Variants in SLC8A3 observed in about 807,000 individuals in gnomAD.
SLC8A3 encodes sodium/calcium exchanger 3.
In SLC8A3, 37 loss-of-function variants were observed where a neutral mutation model predicts 65.4. The observed-to-expected ratio is 0.57, with a 90% CI of 0.44 to 0.74. SLC8A3 has a LOEUF of 0.74. Ranked by LOEUF, SLC8A3 falls within the 30% of genes least tolerant of loss-of-function variation. The pLI is 0.00. For synonymous variants in SLC8A3, 461 were observed against 444.5 expected, an observed-to-expected ratio of 1.04 and a Z score of -0.47; for missense variants, 1,112 against 1,172.1, an observed-to-expected ratio of 0.95 and a Z score of 0.75.
chr14:70,135,279 A>G (rs771703314), intron 2 of SLC8A3, among the ~76,000 whole-genome samples: 5 of 152,248 alleles, frequency 3.3e-5, no homozygotes, highest in Admixed American at 1.3e-4. Context: ...AGATGACCAT[A>G]TGCTGTTGGT....
intron 2 of SLC8A3, among the ~76,000 whole-genome samples, chr14:70,099,395 G>C (rs117783385): frequency 6.6e-6 from 1 of 152,318 alleles, no homozygotes; most frequent in Non-Finnish European, 1.5e-5. Context: ...CTAACCTCTG[G>C]TTAAAAGCAA....
intron 2 of SLC8A3, among the ~76,000 whole-genome samples, chr14:70,157,509 TAGAA>T (rs1896641628): frequency 6.6e-6 from 1 of 151,992 alleles, no homozygotes; most frequent in African/African-American, 2.4e-5. Context: ...ACTAGAAGAA[TAGAA>T]AGAGCTTTGT....
At chr14:70,088,661 T>A (rs1891611731) in intron 2 of SLC8A3, among the ~76,000 whole-genome samples, 1 of 152,126 alleles carries the variant, frequency 6.6e-6, no homozygotes, top group Admixed American at 6.5e-5. Context: ...CACTCTCAAG[T>A]CTACACCCTG....
At chr14:70,065,232 A>G (rs1421784640) in intron 2 of SLC8A3, among the ~76,000 whole-genome samples, 61 of 152,274 alleles carry the variant, frequency 4.0e-4, no homozygotes, top group Non-Finnish European at 1.5e-5. Flanking sequence ...TCCCCAAGTC[A>G]CCATTAGAGC....
intron 2 of SLC8A3, among the ~76,000 whole-genome samples, chr14:70,110,077 G>A (rs1893179113): frequency 6.6e-6 from 1 of 151,678 alleles, no homozygotes; most frequent in Non-Finnish European, 1.5e-5. Flanking sequence ...GTATGTAGTA[G>A]TTGTATATAT....
chr14:70,052,338 A>G (rs957536095), intron 3 of SLC8A3, among the ~76,000 whole-genome samples: 2 of 152,194 alleles, frequency 1.3e-5, no homozygotes, highest in Admixed American at 6.5e-5. Context: ...TTTCTCTTTT[A>G]TACCTGGGTG....
intron 2 of SLC8A3, among the ~76,000 whole-genome samples, chr14:70,161,288 CAAAAAAAA>C (rs5809474): frequency 8.4e-4 from 28 of 33,288 alleles, no homozygotes; most frequent in South Asian, 2.4e-3. Flanking sequence ...GACTCCATCT[CAAAAAAAA>C]AAAAAAAAAA....
chr14:70,128,792 C>T (rs73276757), intron 2 of SLC8A3, among the ~76,000 whole-genome samples: 92 of 152,298 alleles, frequency 6.0e-4, no homozygotes, highest in African/African-American at 2.2e-3. Flanking sequence ...TTTATTTTAG[C>T]TCTTACCTTC....
chr14:70,098,329 C>G (rs1459934515), intron 2 of SLC8A3, among the ~76,000 whole-genome samples: 1 of 151,924 alleles, frequency 6.6e-6, no homozygotes, highest in Non-Finnish European at 1.5e-5. Context: ...TCTGCCTATA[C>G]AGTCACCTCC....
chr14:70,137,149 CTT>C (rs11314654), intron 2 of SLC8A3, among the ~76,000 whole-genome samples: 24 of 144,770 alleles, frequency 1.7e-4, no homozygotes, highest in African/African-American at 2.5e-4. Context: ...GTTTATATAT[CTT>C]TTTTTTTTTT....
intron 2 of SLC8A3, among the ~76,000 whole-genome samples, chr14:70,144,270 G>A (rs1392813566): frequency 7.0e-6 from 1 of 143,578 alleles, no homozygotes; most frequent in Non-Finnish European, 1.5e-5. Context: ...AGTTTTTATG[G>A]GAAGTAAAAC....
intron 6 of SLC8A3, 52 bp downstream of exon 6, chr14:70,048,715 A>G: frequency 1.3e-6 from 2 of 1,527,924 alleles, no homozygotes; most frequent in Non-Finnish European, 1.8e-6. Context: ...TCCAGGGGTC[A>G]TTTGAACCAG....
At chr14:70,108,499 A>G (rs1893036275) in intron 2 of SLC8A3, among the ~76,000 whole-genome samples, 1 of 152,066 alleles carries the variant, frequency 6.6e-6, no homozygotes, top group South Asian at 2.1e-4. Context: ...TCACAAGCCA[A>G]TTTCTTTTGC....
At chr14:70,120,743 G>A (rs1259910044) in intron 2 of SLC8A3, among the ~76,000 whole-genome samples, 1 of 152,166 alleles carries the variant, frequency 6.6e-6, no homozygotes, top group South Asian at 2.1e-4. Flanking sequence ...AGGGACTAAA[G>A]AATCTTAAAG....
chr14:70,054,896 A>AT (rs968041676), intron 3 of SLC8A3, among the ~76,000 whole-genome samples: 4 of 152,114 alleles, frequency 2.6e-5, no homozygotes, highest in East Asian at 1.9e-4. Flanking sequence ...TGGCCTTAAC[A>AT]TTTTTTTCTG....
chr14:70,061,876 A>G (rs1294340466), intron 2 of SLC8A3, among the ~76,000 whole-genome samples: 1 of 152,006 alleles, frequency 6.6e-6, no homozygotes, highest in Non-Finnish European at 1.5e-5. Context: ...ATCTCTGGGT[A>G]TCTCAACAAA....
At chr14:70,183,022 C>A (rs950589572) in intron 1 of SLC8A3, among the ~76,000 whole-genome samples, 1 of 152,188 alleles carries the variant, frequency 6.6e-6, no homozygotes, top group African/African-American at 2.4e-5. Context: ...GCTGACGAAG[C>A]TCACACTGTT....
At chr14:70,125,164 TTTTA>T (rs1894356605) in intron 2 of SLC8A3, among the ~76,000 whole-genome samples, 1 of 152,328 alleles carries the variant, frequency 6.6e-6, no homozygotes, top group Non-Finnish European at 1.5e-5. Context: ...CCTAAGGAGC[TTTTA>T]TTTATTTATT....
Position 70,147,958 on chromosome 14 carries a change from A to T in SLC8A3, c.1784+18681T>A, listed in dbSNP as rs564592725. ...TCCAAAGCTGATGCTTTCCTCCTTTATACCCTGTACAGACAGGATTCCTGA... is the reference window on the plus strand; with the variant it reads ...TCCAAAGCTGATGCTTTCCTCCTTTTTACCCTGTACAGACAGGATTCCTGA... On this transcript the variant is annotated intron_variant, in intron 2 of 6. Transcript: ENST00000356921. Among the ~76,000 whole-genome samples, 143 of 152,330 alleles carry T rather than the reference A, an allele frequency of 9.4e-4. 1 individual carries two copies. Among genetic ancestry groups the T allele is most frequent in the African/African-American group, 3.2e-3 (134 of 41,576 alleles).
Sources: gnomAD v4.1 joint callset for allele counts (sites outside exome capture counted in the v4.1 genomes callset) on GRCh38, gnomAD v4.1.1 for gene constraint, MANE v1.5 for transcripts, NCBI Gene and HGNC (gene_info 2026-07-23, HGNC 2026-07-21) for gene names.